ESR1: variants seen among roughly 807,000 people sequenced by gnomAD.
ESR1 encodes estrogen receptor 1, also known as estrogen receptor.
In ESR1, 12 loss-of-function variants were observed where a neutral mutation model predicts 52.7. That is an observed-to-expected ratio of 0.23 (90% CI 0.15 to 0.37). The LOEUF (loss-of-function observed/expected upper bound fraction) is 0.37, where lower values mean the gene tolerates loss of function less well. Among genes scored for constraint, ESR1 ranks in the 10% least tolerant of loss-of-function variants. The pLI is 1.00. For synonymous variants in ESR1, 305 were observed against 316.8 expected, an observed-to-expected ratio of 0.96 and a Z score of 0.39; for missense variants, 584 against 779.7, an observed-to-expected ratio of 0.75 and a Z score of 2.99.
chr6:152,048,361 CAAA>C (rs1180207041), intron 5 of ESR1, among the ~76,000 whole-genome samples: 2 of 62,280 alleles, frequency 3.2e-5, no homozygotes, highest in South Asian at 5.2e-4. Context: ...GACACCATCT[CAAA>C]AAAAAAAAAA....
At chr6:152,010,021 T>C (rs957404502) in intron 4 of ESR1, among the ~76,000 whole-genome samples, 1 of 152,078 alleles carries the variant, frequency 6.6e-6, no homozygotes, top group Non-Finnish European at 1.5e-5. Context: ...ATTAGCGGGT[T>C]AACAGTGGCA....
At chr6:151,888,949 T>C (rs1794291073) in intron 3 of ESR1, among the ~76,000 whole-genome samples, 1 of 152,216 alleles carries the variant, frequency 6.6e-6, no homozygotes, top group South Asian at 2.1e-4. Flanking sequence ...TCCTTCATTC[T>C]GTTAATGTGT....
At chr6:151,844,749 A>T (rs1784841092) in intron 2 of ESR1, among the ~76,000 whole-genome samples, 1 of 152,212 alleles carries the variant, frequency 6.6e-6, no homozygotes, top group Non-Finnish European at 1.5e-5. Context: ...TAAAGTTTTG[A>T]TTATTCACAT....
At position 151,937,220 on chromosome 6, in the gene ESR1, C is replaced by A. The variant is rs186415861; in HGVS notation, c.761-6953C>A. On this transcript the variant is annotated intron_variant, in intron 3 of 7. Transcript: ENST00000206249. ...CAGTAAACTCTATCTAAAATAAATT[C>A]TTCCCCTAATCCCAATATAAAAAAT... Among the ~76,000 whole-genome samples, 263 of 152,252 alleles carry A rather than the reference C, an allele frequency of 1.7e-3. 1 individual carries two copies. Among genetic ancestry groups the A allele is most frequent in the Non-Finnish European group, 3.4e-3 (228 of 68,016 alleles).
At chr6:152,019,215 C>T (rs2043417843) in intron 5 of ESR1, among the ~76,000 whole-genome samples, 1 of 152,070 alleles carries the variant, frequency 6.6e-6, no homozygotes, top group Admixed American at 6.6e-5. Context: ...TTGAATTATG[C>T]ACTTTAAATG....
intron 6 of ESR1, among the ~76,000 whole-genome samples, chr6:152,062,503 A>G (rs950535240): frequency 2.0e-5 from 3 of 152,250 alleles, no homozygotes; most frequent in Admixed American, 1.3e-4. Context: ...ATCCACACTA[A>G]GGAAGTGATT....
chr6:151,930,732 A>T lies in ESR1; in HGVS notation c.761-13441A>T, dbSNP rs564934593. ...CTGCAGGGCAAGTCAGCTGGTGATG[A>T]ATTCTCTGAATTTTTGTCTGATTTT... On this transcript the variant is annotated intron_variant, in intron 3 of 7. Coordinates refer to ENST00000206249, the MANE Select transcript of ESR1 (RefSeq NM_000125.4). 1.0e-3 allele frequency among the ~76,000 whole-genome samples: 154 copies of T among 152,272 alleles called. 1 individual carries two copies. Among genetic ancestry groups the T allele is most frequent in the African/African-American group, 3.3e-3 (138 of 41,558 alleles).
intron 2 of ESR1, among the ~76,000 whole-genome samples, chr6:151,781,279 A>G (rs1237408118): frequency 6.6e-6 from 1 of 152,216 alleles, no homozygotes; most frequent in Non-Finnish European, 1.5e-5. Flanking sequence ...GTCTGATATC[A>G]AGGTGCTGGC....
chr6:152,075,391 T>C (rs1242884470), intron 6 of ESR1, among the ~76,000 whole-genome samples: 2 of 152,214 alleles, frequency 1.3e-5, no homozygotes, highest in Non-Finnish European at 2.9e-5. Context: ...TCCAATGTAA[T>C]ATAACCTTCC....
intron 7 of ESR1, chr6:152,096,650 G>A (rs1044410683): frequency 4.4e-6 from 2 of 456,020 alleles, no homozygotes; most frequent in Admixed American, 4.7e-5. Context: ...TGCAATCTCT[G>A]TTCTCAGGGT....
intron 5 of ESR1, among the ~76,000 whole-genome samples, chr6:152,060,365 G>A (rs2047451392): frequency 6.6e-6 from 1 of 152,012 alleles, no homozygotes; most frequent in South Asian, 2.1e-4. Context: ...CCATGTTTAG[G>A]ACCCTCTTCC....
rs1331196232 is a variant in ESR1, at chr6:152,070,913, A to C, written c.1369+9789A>C. ...CATATAAGAAAGACAGCAATATTCC[A>C]TGGAACAGAGTGATGTCTGTGGCTT... On this transcript the variant is annotated intron_variant, in intron 6 of 7. Transcript: ENST00000206249. Among the ~76,000 whole-genome samples, 2 of 139,082 alleles carry C rather than the reference A, an allele frequency of 1.4e-5. 1 individual carries two copies. Among genetic ancestry groups the C allele is most frequent in the African/African-American group, 6.3e-5 (2 of 31,792 alleles). 91.2% of individuals were successfully genotyped at this position (139,082 alleles called of 152,430 possible). A position where few individuals can be genotyped will look rare whatever the true frequency, so the allele number is the denominator to read the frequency against.
Position 152,099,925 on chromosome 6 carries a change from T to C in ESR1, c.*959T>C. Reference sequence around the variant, plus strand: ...TCACTGTGGTGATGCATGATGAGGGTAAATGGTAGTTGAAAGGAGCAGGGG... The same window carrying C: ...TCACTGTGGTGATGCATGATGAGGGCAAATGGTAGTTGAAAGGAGCAGGGG... On this transcript the variant is annotated 3_prime_UTR_variant, in exon 8 of 8. Coordinates refer to ENST00000206249, the MANE Select transcript of ESR1 (RefSeq NM_000125.4). 2.5e-6 allele frequency: 1 copy of C among 398,814 alleles called. No individual in the cohort carries two copies. Among genetic ancestry groups the C allele is most frequent in the Non-Finnish European group, 4.4e-6 (1 of 226,396 alleles). The allele number at this position is 398,814 out of a possible 1,614,324, so 24.7% of individuals were successfully genotyped here. A position where few individuals can be genotyped will look rare whatever the true frequency, so the allele number is the denominator to read the frequency against.
At position 152,098,812 on chromosome 6, in the gene ESR1, A is replaced by G. The variant is rs747007192; in HGVS notation, c.1634A>G (p.Asp545Gly). ...PLYDLLLEMLDAHRLHAPTSR... is the reference protein window; with the variant it reads ...PLYDLLLEMLGAHRLHAPTSR... ...TATGACCTGCTGCTGGAGATGCTGG[A>G]CGCCCACCGCCTACATGCGCCCACT... Residue 545 changes from aspartate to glycine, a missense_variant, in exon 8 of 8, where the codon GAC becomes GGC. Asp to Gly is a moderately conservative substitution (Grantham distance 94, BLOSUM62 -1). Coordinates refer to ENST00000206249, the MANE Select transcript of ESR1 (RefSeq NM_000125.4). This position sits in a 1 kb window ranked among gnomAD's most constrained non-coding sequence, Gnocchi z 5.1. 6.2e-7 allele frequency: 1 copy of G among 1,614,036 alleles called. No homozygotes were observed. The highest frequency in any genetic ancestry group is 1.7e-5 in the Admixed American group (1 of 60,020).
intron 5 of ESR1, among the ~76,000 whole-genome samples, chr6:152,030,143 A>G (rs914875658): frequency 3.3e-5 from 5 of 152,228 alleles, no homozygotes; most frequent in Non-Finnish European, 7.3e-5. Context: ...TGAAGGAAGC[A>G]CTAAACACGG....
chr6:151,856,240 A>G (rs1787804682), intron 2 of ESR1, among the ~76,000 whole-genome samples: 1 of 152,190 alleles, frequency 6.6e-6, no homozygotes, highest in African/African-American at 2.4e-5. Context: ...TAATGTAGCT[A>G]TTATGGAGGT....
At chr6:151,706,677 C>T (rs2127992494) in intron 2 of ESR1, among the ~76,000 whole-genome samples, 1 of 152,254 alleles carries the variant, frequency 6.6e-6, no homozygotes, top group East Asian at 1.9e-4. Flanking sequence ...CTGCCCTTGC[C>T]TAGGGTTTCA....
chr6:151,923,663 A>G (rs1057245020), intron 3 of ESR1, among the ~76,000 whole-genome samples: 7 of 152,126 alleles, frequency 4.6e-5, no homozygotes, highest in African/African-American at 1.4e-4. Flanking sequence ...CTGATAGCTC[A>G]TTTCTTTTTA....
chr6:152,047,035 A>G (rs1251896163), intron 5 of ESR1, among the ~76,000 whole-genome samples: 1 of 152,128 alleles, frequency 6.6e-6, no homozygotes, highest in Non-Finnish European at 1.5e-5. Flanking sequence ...CTCTTTTAAA[A>G]ATGAAGTCTG....
Sources: gnomAD v4.1 joint callset for allele counts (sites outside exome capture counted in the v4.1 genomes callset) on GRCh38, gnomAD v4.1.1 for gene constraint, Gnocchi (gnomAD v3.1) non-coding constraint, MANE v1.5 for transcripts, NCBI Gene and HGNC (gene_info 2026-07-23, HGNC 2026-07-21) for gene names.